The following SLC4A10 variants were observed in gnomAD, a reference collection of about 807,000 sequenced individuals.
SLC4A10 encodes sodium-driven chloride bicarbonate exchanger.
SLC4A10 carries 42 observed loss-of-function variants against 137.7 expected under a neutral mutation model. The observed-to-expected ratio is 0.30, with a 90% confidence interval of 0.24 to 0.39. The LOEUF (loss-of-function observed/expected upper bound fraction) is 0.39, where lower values mean the gene tolerates loss of function less well. Ranked by LOEUF, SLC4A10 falls within the 10% of genes least tolerant of loss-of-function variation. SLC4A10 has a pLI of 1.00. For synonymous variants in SLC4A10, 474 were observed against 464.1 expected (o/e 1.02, Z -0.27); for missense variants, 925 against 1,355.0 (o/e 0.68, Z 4.98).
intron 4 of SLC4A10, among the ~76,000 whole-genome samples, chr2:161,840,626 A>T (rs1022839509): frequency 6.6e-6 from 1 of 152,252 alleles, no homozygotes; most frequent in Non-Finnish European, 1.5e-5. Context: ...AAAATCTTAG[A>T]TCTTGCCTTT....
At chr2:161,710,768 A>G (rs2044198572) in intron 1 of SLC4A10, 1 of 452,414 alleles carries the variant, frequency 2.2e-6, no homozygotes. Context: ...TGCCTATAAA[A>G]ACTATTTGAG....
intron 3 of SLC4A10, among the ~76,000 whole-genome samples, chr2:161,820,620 A>G (rs989581973): frequency 9.2e-5 from 14 of 152,234 alleles, no homozygotes; most frequent in Admixed American, 9.2e-4. Context: ...ATGTAGCTTC[A>G]GCCTATTCAT....
At chr2:161,929,769 T>C (rs1466822958) in intron 15 of SLC4A10, among the ~76,000 whole-genome samples, 1 of 152,150 alleles carries the variant, frequency 6.6e-6, no homozygotes, top group Non-Finnish European at 1.5e-5. Flanking sequence ...AAAATATCTC[T>C]TCCTCACAAA....
intron 14 of SLC4A10, 53 bp from the exon 15 acceptor site, chr2:161,905,589 G>A (rs2105342703): frequency 6.5e-7 from 1 of 1,527,284 alleles, no homozygotes; most frequent in Non-Finnish European, 8.8e-7. Flanking sequence ...TAAAATGATA[G>A]CAAGCTGTTA....
chr2:161,898,960 G>A (rs889582320), intron 11 of SLC4A10, among the ~76,000 whole-genome samples: 2 of 151,970 alleles, frequency 1.3e-5, no homozygotes, highest in Non-Finnish European at 2.9e-5. Context: ...CTCTCCTCAA[G>A]CCTTCAGCAC....
At chr2:161,908,248 G>C (rs1425491438) in intron 15 of SLC4A10, among the ~76,000 whole-genome samples, 1 of 152,124 alleles carries the variant, frequency 6.6e-6, no homozygotes, top group Non-Finnish European at 1.5e-5. Flanking sequence ...AGAGAGGACA[G>C]TGGCATGGAC....
At chr2:161,741,541 T>C (rs1282579225) in intron 1 of SLC4A10, among the ~76,000 whole-genome samples, 3 of 152,192 alleles carry the variant, frequency 2.0e-5, no homozygotes, top group Non-Finnish European at 4.4e-5. Context: ...TTCTGTGAGT[T>C]TGACTTTTTA....
chr2:161,692,253 T>G (rs1399190719), intron 1 of SLC4A10, among the ~76,000 whole-genome samples: 1 of 152,038 alleles, frequency 6.6e-6, no homozygotes, highest in Non-Finnish European at 1.5e-5. Flanking sequence ...GATTAAAAAT[T>G]TTTATGTAGA....
intron 1 of SLC4A10, among the ~76,000 whole-genome samples, chr2:161,720,154 C>T (rs1198408537): frequency 1.3e-5 from 2 of 152,202 alleles, no homozygotes; most frequent in Non-Finnish European, 2.9e-5. Flanking sequence ...AATAGGGAAT[C>T]CTTTCCCCAT....
chr2:161,889,380 TG>T (rs1398086197), intron 10 of SLC4A10, among the ~76,000 whole-genome samples: 1 of 152,220 alleles, frequency 6.6e-6, no homozygotes, highest in Non-Finnish European at 1.5e-5. Flanking sequence ...TTTGTACCTC[TG>T]GTAGAATTCG....
In SLC4A10 at chr2:161,974,342, C is replaced by G. The variant is rs754077640; in HGVS notation, c.3227+26C>G. ...GTAAGACATAAATTTAAAAACACAT[C>G]AATTAAAGTAATGAAATGCATTGTT... On this transcript the variant is annotated intron_variant, in intron 24 of 26. Transcript: ENST00000446997. 9 of 1,545,562 alleles carry G rather than the reference C, an allele frequency of 5.8e-6. No homozygotes were observed. The East Asian group carries it at 1.8e-4, about 31-fold the overall frequency.
intron 23 of SLC4A10, among the ~76,000 whole-genome samples, chr2:161,965,661 G>A (rs1327009943): frequency 6.6e-6 from 1 of 152,114 alleles, no homozygotes; most frequent in African/African-American, 2.4e-5. Context: ...TAGGAAAAAT[G>A]TTGATCTGAT....
intron 1 of SLC4A10, among the ~76,000 whole-genome samples, chr2:161,752,166 T>C (rs1324854565): frequency 6.6e-6 from 1 of 152,016 alleles, no homozygotes; most frequent in African/African-American, 2.4e-5. Flanking sequence ...ACATCTTGTG[T>C]TAAGTGCTGA....
chr2:161,913,011 G>A (rs1453944896), intron 15 of SLC4A10, among the ~76,000 whole-genome samples: 1 of 152,084 alleles, frequency 6.6e-6, no homozygotes, highest in Admixed American at 6.6e-5. Flanking sequence ...AATCTTTCAT[G>A]CAAGATGAAG....
intron 1 of SLC4A10, among the ~76,000 whole-genome samples, chr2:161,645,053 G>A (rs1242648748): frequency 6.6e-6 from 1 of 152,070 alleles, no homozygotes; most frequent in Non-Finnish European, 1.5e-5. Flanking sequence ...ATAAGCAAAA[G>A]CAATTGAGAA....
intron 1 of SLC4A10, among the ~76,000 whole-genome samples, chr2:161,757,340 A>C (rs2049766751): frequency 6.6e-6 from 1 of 152,202 alleles, no homozygotes; most frequent in African/African-American, 2.4e-5. Flanking sequence ...CTGTAATACA[A>C]GTCATTTAAC....
At chr2:161,943,709 A>G (rs1693172872) in intron 16 of SLC4A10, among the ~76,000 whole-genome samples, 1 of 152,000 alleles carries the variant, frequency 6.6e-6, no homozygotes, top group South Asian at 2.1e-4. Flanking sequence ...TTACAGGTTC[A>G]AACCTTCTAC....
At position 161,882,227 on chromosome 2, in the gene SLC4A10, T is replaced by C. The variant is rs573878513; in HGVS notation, c.1107-130T>C. The C allele has an allele frequency of 1.2e-5, 7 of 571,032 alleles. No homozygotes were observed. The East Asian group carries it at 1.9e-4, about 15-fold the overall frequency. The allele number at this position is 571,032 out of a possible 1,614,324, so 35.4% of individuals were successfully genotyped here. On this transcript the variant is annotated intron_variant, in intron 9 of 26. Coordinates refer to ENST00000446997, the MANE Select transcript of SLC4A10 (RefSeq NM_001178015.2). ...AATTTTTCAAAATAATAATGAACTA[T>C]GAAAAACTATGGAAGTATTTGCCAT... is the stretch of plus-strand genomic sequence containing the variant.
intron 15 of SLC4A10, among the ~76,000 whole-genome samples, chr2:161,915,086 A>G (rs1032625718): frequency 2.4e-4 from 37 of 152,230 alleles, no homozygotes; most frequent in African/African-American, 7.5e-4. Flanking sequence ...TCCTGTGCCT[A>G]TAAAGACCCC....
Sources: gnomAD v4.1 joint callset for allele counts (sites outside exome capture counted in the v4.1 genomes callset) on GRCh38, gnomAD v4.1.1 for gene constraint, MANE v1.5 for transcripts, NCBI Gene and HGNC (gene_info 2026-07-23, HGNC 2026-07-21) for gene names.